CDKAL1: variants seen among roughly 807,000 people sequenced by gnomAD.
CDKAL1 encodes CDKAL1 threonylcarbamoyladenosine tRNA methylthiotransferase, also known as threonylcarbamoyladenosine tRNA methylthiotransferase.
CDKAL1 carries 32 observed loss-of-function variants against 68.2 expected under a neutral mutation model. That is an observed-to-expected ratio of 0.47 (90% CI 0.35 to 0.63). The LOEUF is 0.63. Ranked by LOEUF, CDKAL1 falls within the 30% of genes least tolerant of loss-of-function variation. The pLI is 0.00. For synonymous variants in CDKAL1, 234 were observed against 244.3 expected, an observed-to-expected ratio of 0.96 and a Z score of 0.39; for missense variants, 606 against 696.7, an observed-to-expected ratio of 0.87 and a Z score of 1.47.
At chr6:21,002,340 A>G (rs1184769579) in intron 11 of CDKAL1, among the ~76,000 whole-genome samples, 1 of 152,178 alleles carries the variant, frequency 6.6e-6, no homozygotes, top group Non-Finnish European at 1.5e-5. Context: ...AGCAATGAAA[A>G]TATTAGACAT....
At position 20,864,145 on chromosome 6, in the gene CDKAL1, A is replaced by G. The variant is rs1581723088; in HGVS notation, c.742+17967A>G. Among the ~76,000 whole-genome samples, 3 of 149,880 alleles carry G rather than the reference A, an allele frequency of 2.0e-5. No homozygotes were observed. The Admixed American group carries it at 2.0e-4, about 10-fold the overall frequency. Reference sequence around the variant, plus strand: ...TCAGCAATAATGTATCTGTAACTAAATTAATTAATAAGTAATGCTGTCACA... The same window carrying G: ...TCAGCAATAATGTATCTGTAACTAAGTTAATTAATAAGTAATGCTGTCACA... On this transcript the variant is annotated intron_variant, in intron 9 of 15. Transcript: ENST00000274695.
At chr6:20,617,482 T>C (rs751010591) in intron 4 of CDKAL1, among the ~76,000 whole-genome samples, 3 of 152,226 alleles carry the variant, frequency 2.0e-5, no homozygotes, top group Non-Finnish European at 2.9e-5. Flanking sequence ...GTTTGTTACA[T>C]AGATATACAT....
At chr6:21,110,610 A>G (rs953619772) in intron 13 of CDKAL1, among the ~76,000 whole-genome samples, 2 of 152,174 alleles carry the variant, frequency 1.3e-5, no homozygotes, top group Non-Finnish European at 2.9e-5. Flanking sequence ...ATGAAAATAT[A>G]TACATATATT....
At position 20,847,953 on chromosome 6, in the gene CDKAL1, C is replaced by T. The variant is rs529313240; in HGVS notation, c.742+1775C>T. On this transcript the variant is annotated intron_variant, in intron 9 of 15. Coordinates refer to ENST00000274695, the MANE Select transcript of CDKAL1 (RefSeq NM_017774.3). ...GCCCGGATACAGAATCTCCTGAGAT[C>T]CAAATACCCCCTAGATGTTTCCCAC... Among the ~76,000 whole-genome samples, 5 of 152,276 alleles carry T rather than the reference C, an allele frequency of 3.3e-5. No homozygotes were observed. In the South Asian group the frequency reaches 1.0e-3, roughly 32 times the overall value.
intron 9 of CDKAL1, among the ~76,000 whole-genome samples, chr6:20,932,801 T>A (rs1343350842): frequency 6.6e-6 from 1 of 152,168 alleles, no homozygotes. Flanking sequence ...AGAACCTTTT[T>A]ACTGATGAAA....
At chr6:20,684,997 A>G (rs189462025) in intron 5 of CDKAL1, among the ~76,000 whole-genome samples, 61 of 152,322 alleles carry the variant, frequency 4.0e-4, no homozygotes, top group African/African-American at 1.4e-3. Context: ...GCAAAATTTT[A>G]TAATTTTAAT....
intron 13 of CDKAL1, among the ~76,000 whole-genome samples, chr6:21,128,634 A>C (rs1380916620): frequency 6.6e-6 from 1 of 152,218 alleles, no homozygotes; most frequent in African/African-American, 2.4e-5. Flanking sequence ...ATTTTAGGAT[A>C]AAATAAGAAG....
At chr6:21,205,296 C>A (rs1284041573) in intron 15 of CDKAL1, among the ~76,000 whole-genome samples, 1 of 151,852 alleles carries the variant, frequency 6.6e-6, no homozygotes, top group South Asian at 2.1e-4. Flanking sequence ...TCCCTGCTCT[C>A]AATTCTTTTG....
At chr6:20,741,130 AT>A (rs1266114986) in intron 6 of CDKAL1, among the ~76,000 whole-genome samples, 10 of 152,058 alleles carry the variant, frequency 6.6e-5, no homozygotes, top group African/African-American at 2.2e-4. Flanking sequence ...GTATGTTAGG[AT>A]GTACAGGAGA....
At chr6:20,899,315 G>A (rs561855103) in intron 9 of CDKAL1, among the ~76,000 whole-genome samples, 5 of 151,870 alleles carry the variant, frequency 3.3e-5, no homozygotes, top group South Asian at 4.2e-4. Flanking sequence ...CACCTGCCTC[G>A]GCCTCCCAAA....
rs112101338 is a variant in CDKAL1 at position 21,020,720 on chromosome 6, G to T, written c.1055+20348G>T. ...TACCTCAGGTGATCTGCCTGCCTTG[G>T]CCTCCCAAAGTGCTGGAATTACAGG... On this transcript the variant is annotated intron_variant, in intron 11 of 15. Transcript: ENST00000274695. Among the ~76,000 whole-genome samples, 1,274 of 151,368 alleles carry T rather than the reference G, an allele frequency of 8.4e-3. 18 individuals carry two copies. Among genetic ancestry groups the T allele is most frequent in the African/African-American group, 0.029 (1,196 of 41,178 alleles).
At chr6:20,550,551 A>G (rs939454280) in intron 4 of CDKAL1, among the ~76,000 whole-genome samples, 3 of 152,084 alleles carry the variant, frequency 2.0e-5, no homozygotes, top group Non-Finnish European at 4.4e-5. Context: ...GATTTTTTTC[A>G]TTAAGAGAAT....
At chr6:20,737,260 G>A (rs1773237938) in intron 5 of CDKAL1, among the ~76,000 whole-genome samples, 1 of 152,052 alleles carries the variant, frequency 6.6e-6, no homozygotes, top group Admixed American at 6.5e-5. Flanking sequence ...TTGACTTCGT[G>A]GTATGTTAGC....
At chr6:20,813,665 G>A (rs546208404) in intron 8 of CDKAL1, among the ~76,000 whole-genome samples, 5 of 152,140 alleles carry the variant, frequency 3.3e-5, no homozygotes, top group Admixed American at 1.3e-4. Context: ...TTTTAAATAT[G>A]GATATGGAAT....
Position 20,644,487 on chromosome 6 carries a change from C to G in CDKAL1, c.287-4806C>G, listed in dbSNP as rs938819940. ...GATCAGGAGATTGAGACCATCCTGG[C>G]TAACATGGTGAAACCCTGTCTCTAC... On this transcript the variant is annotated intron_variant, in intron 4 of 15. Transcript: ENST00000274695. 6.6e-5 allele frequency among the ~76,000 whole-genome samples: 10 copies of G among 152,022 alleles called. 1 individual carries two copies. The highest frequency in any genetic ancestry group is 5.2e-4 in the Admixed American group (8 of 15,256).
rs113592197 is a variant in CDKAL1 at position 20,570,892 on chromosome 6, T to C, written c.286+22187T>C. Among the ~76,000 whole-genome samples, 328 of 152,294 alleles carry C rather than the reference T, an allele frequency of 2.2e-3. 1 individual carries two copies. The highest frequency in any genetic ancestry group is 3.4e-3 in the Admixed American group (52 of 15,300). On this transcript the variant is annotated intron_variant, in intron 4 of 15. Transcript: ENST00000274695. ...TTCATTTAGTGCAATATCTTTATTG[T>C]GGTAAGTTATAGATTATTGATAGGG...
rs200376020 is a variant in CDKAL1 at position 20,654,299 on chromosome 6, G to GTT, written c.371+4932_371+4933dup. Among the ~76,000 whole-genome samples, 894 of 142,688 alleles carry GTT rather than the reference G, an allele frequency of 6.3e-3. 6 individuals are homozygous for GTT. Among genetic ancestry groups the GTT allele is most frequent in the African/African-American group, 0.022 (849 of 38,942 alleles). 93.6% of individuals were successfully genotyped at this position (142,688 alleles called of 152,430 possible). A position where few individuals can be genotyped will look rare whatever the true frequency, so the allele number is the denominator to read the frequency against. On this transcript the variant is annotated intron_variant, in intron 5 of 15. Coordinates refer to ENST00000274695, the MANE Select transcript of CDKAL1 (RefSeq NM_017774.3). ...CTCAGGTCATTTGTCTATTTTTCTG[G>GTT]TTTTTTTTTTTCATTTTAATCATTT...
chr6:20,959,548 CTT>C (rs752785251), intron 10 of CDKAL1, among the ~76,000 whole-genome samples: 7 of 143,846 alleles, frequency 4.9e-5, no homozygotes, highest in Admixed American at 7.0e-5. Context: ...TCCTCTATAT[CTT>C]TTTTTTTTTT....
chr6:21,164,250 C>T (rs1440958293), intron 13 of CDKAL1, among the ~76,000 whole-genome samples: 1 of 151,906 alleles, frequency 6.6e-6, no homozygotes, highest in African/African-American at 2.4e-5. Flanking sequence ...AATTATGTAC[C>T]TGCTTGTAGA....
Sources: allele counts gnomAD v4.1 joint callset (sites outside exome capture counted in the v4.1 genomes callset), GRCh38; gene constraint gnomAD v4.1.1; transcripts MANE v1.5; gene names NCBI Gene and HGNC (gene_info 2026-07-23, HGNC 2026-07-21).